The following DPP6 variants were observed in gnomAD, a reference collection of about 807,000 sequenced individuals.
DPP6 encodes the protein A-type potassium channel modulatory protein DPP6.
In DPP6, 69 loss-of-function variants were observed where a neutral mutation model predicts 122.6. The ratio of observed to expected loss-of-function variants is 0.56; its 90% CI spans 0.46 to 0.69. The LOEUF is 0.69. DPP6 is among the 30% of genes least tolerant of loss of function. DPP6 has a pLI of 0.00. For missense variants in DPP6, 928 were observed against 1,116.9 expected, an observed-to-expected ratio of 0.83 and a Z score of 2.41; for synonymous variants, 418 against 433.1, an observed-to-expected ratio of 0.97 and a Z score of 0.43.
At chr7:154,124,999 G>A (rs559658114) in intron 1 of DPP6, among the ~76,000 whole-genome samples, 55 of 152,370 alleles carry the variant, frequency 3.6e-4, no homozygotes, top group Admixed American at 1.1e-3. Flanking sequence ...TGAGGTGTGT[G>A]TGTGTGGTGA....
intron 1 of DPP6, among the ~76,000 whole-genome samples, chr7:154,082,486 A>G (rs1026870992): frequency 1.3e-5 from 2 of 152,048 alleles, no homozygotes; most frequent in East Asian, 1.9e-4. Flanking sequence ...AGTGAGGAGT[A>G]GCAAGAAGTC....
chr7:153,860,994 G>A, the DPP6 span, among the ~76,000 whole-genome samples: 25 of 152,250 alleles, frequency 1.6e-4, no homozygotes, highest in South Asian at 5.2e-3. Context: ...TTGTGAAATT[G>A]CATTTTTATT....
chr7:154,233,176 G>A (rs938662741), intron 1 of DPP6, among the ~76,000 whole-genome samples: 15 of 152,110 alleles, frequency 9.9e-5, no homozygotes, highest in African/African-American at 3.4e-4. Flanking sequence ...TTTCTTTTTT[G>A]AGAAAAGCTG....
At chr7:154,892,244 A>G in intron 25 of DPP6, 90 bp from the exon 26 acceptor site, 1 of 1,562,948 alleles carries the variant, frequency 6.4e-7, no homozygotes, top group Non-Finnish European at 8.7e-7. Flanking sequence ...GACGGGGCCC[A>G]GGTTTCACTA....
chr7:154,628,595 C>T lies in DPP6; in HGVS notation c.628-9226C>T, dbSNP rs569734810. 3.3e-5 allele frequency among the ~76,000 whole-genome samples: 5 copies of T among 152,298 alleles called. No homozygotes were observed. In the South Asian group the frequency reaches 1.0e-3, roughly 32 times the overall value. On this transcript the variant is annotated intron_variant, in intron 5 of 25. Transcript: ENST00000377770. ...AGGACAACATGTCTTCCCAGAAAGA[C>T]CTTATGAGCTGGGTAGCTCTTGTCT...
At chr7:154,678,497 A>G (rs1266119867) in intron 7 of DPP6, among the ~76,000 whole-genome samples, 1 of 152,092 alleles carries the variant, frequency 6.6e-6, no homozygotes, top group Non-Finnish European at 1.5e-5. Context: ...TGAAGTCACC[A>G]AGACCACGAA....
chr7:153,808,681 G>T, the DPP6 span, among the ~76,000 whole-genome samples: 1 of 151,940 alleles, frequency 6.6e-6, no homozygotes, highest in East Asian at 1.9e-4. Context: ...CTGTGCCTGG[G>T]TTATTTCACT....
rs944810574 is a variant in DPP6 at position 154,490,715 on chromosome 7, C to T, written c.457+15678C>T. Among the ~76,000 whole-genome samples the T allele has an allele frequency of 3.3e-5, 5 of 152,262 alleles. No homozygotes were observed. In the East Asian group the frequency reaches 7.7e-4, roughly 24 times the overall value. On this transcript the variant is annotated intron_variant, in intron 3 of 25. Coordinates refer to ENST00000377770, the MANE Select transcript of DPP6 (RefSeq NM_130797.4). Reference sequence around the variant, plus strand: ...TAAAAGTGTTGTGTGTTGTATCTAACGTGTTGCTGGTGTTTTCCATACATC... The same window carrying T: ...TAAAAGTGTTGTGTGTTGTATCTAATGTGTTGCTGGTGTTTTCCATACATC...
the DPP6 span, among the ~76,000 whole-genome samples, chr7:153,807,648 A>C: frequency 1.3e-5 from 2 of 151,862 alleles, no homozygotes; most frequent in Non-Finnish European, 2.9e-5. Context: ...CTCGGGTGGA[A>C]TGTTGTGATG....
intron 1 of DPP6, among the ~76,000 whole-genome samples, chr7:154,162,264 T>C (rs2150709982): frequency 6.6e-6 from 1 of 152,084 alleles, no homozygotes; most frequent in South Asian, 2.1e-4. Context: ...AGAACTGAGA[T>C]TCACCATACA....
intron 1 of DPP6, among the ~76,000 whole-genome samples, chr7:154,121,405 G>A (rs929820431): frequency 9.9e-5 from 15 of 152,140 alleles, no homozygotes; most frequent in Admixed American, 7.9e-4. Flanking sequence ...AAATGTTTAC[G>A]GCTATAATTT....
rs539520529 is a variant in DPP6, at chr7:153,918,606, C to T, written c.51+30872C>T. Among the ~76,000 whole-genome samples the T allele has an allele frequency of 1.6e-3, 140 of 84,976 alleles. 1 individual carries two copies. Among genetic ancestry groups the T allele is most frequent in the Middle Eastern group, 7.1e-3 (1 of 140 alleles). 55.7% of individuals were successfully genotyped at this position (84,976 alleles called of 152,430 possible). On this transcript the variant is annotated intron_variant, in intron 1 of 25. Transcript: ENST00000404039. ...TCTCTCTCTCTCTCTCTCTCTCTCT[C>T]TCTCTCTCTCTCTGTCTCTCTCACT...
chr7:154,069,424 G>C (rs1300613428), intron 1 of DPP6, among the ~76,000 whole-genome samples: 5 of 148,148 alleles, frequency 3.4e-5, no homozygotes, highest in Non-Finnish European at 7.4e-5. Flanking sequence ...GAGTTAAACT[G>C]TGGACTCCAG....
In DPP6 at chr7:154,238,807, A is replaced by G. The variant is rs546782586; in HGVS notation, c.243+185744A>G. ...TGAGATACACAGGACAAATACTACT[A>G]TCCCAGTTTTACAAGTTAAAAACCC... On this transcript the variant is annotated intron_variant, in intron 1 of 25. Coordinates refer to ENST00000377770, the MANE Select transcript of DPP6 (RefSeq NM_130797.4). Among the ~76,000 whole-genome samples, 13 of 152,358 alleles carry G rather than the reference A, an allele frequency of 8.5e-5. No homozygotes were observed. In the South Asian group the frequency reaches 2.7e-3, roughly 32 times the overall value.
At chr7:154,181,756 T>C (rs1798099073) in intron 1 of DPP6, among the ~76,000 whole-genome samples, 1 of 151,098 alleles carries the variant, frequency 6.6e-6, no homozygotes. Context: ...CCTCTTTTTT[T>C]TTTTTTTTTT....
At chr7:154,331,493 C>T (rs1563493111) in intron 1 of DPP6, among the ~76,000 whole-genome samples, 1 of 152,088 alleles carries the variant, frequency 6.6e-6, no homozygotes, top group Admixed American at 6.5e-5. Flanking sequence ...ATTTTGTGGC[C>T]CTTGAATTCC....
At chr7:154,115,832 C>A (rs954827522) in intron 1 of DPP6, among the ~76,000 whole-genome samples, 1 of 152,174 alleles carries the variant, frequency 6.6e-6, no homozygotes, top group Non-Finnish European at 1.5e-5. Flanking sequence ...ATTACACCTG[C>A]AGAGCTGACT....
chr7:154,352,731 G>A (rs1054049779), intron 1 of DPP6, among the ~76,000 whole-genome samples: 2 of 152,098 alleles, frequency 1.3e-5, no homozygotes, highest in African/African-American at 2.4e-5. Context: ...TGCATGTGGG[G>A]CTTAAAACCT....
At chr7:154,643,955 G>A (rs1023450822) in intron 6 of DPP6, among the ~76,000 whole-genome samples, 2 of 152,164 alleles carry the variant, frequency 1.3e-5, no homozygotes, top group African/African-American at 2.4e-5. Context: ...ACCTTTGCAT[G>A]AGCCAACACT....
Sources: gnomAD v4.1 joint callset for allele counts (sites outside exome capture counted in the v4.1 genomes callset) on GRCh38, gnomAD v4.1.1 for gene constraint, MANE v1.5 for transcripts, NCBI Gene and HGNC (gene_info 2026-07-23, HGNC 2026-07-21) for gene names.